Variants in FAM162A observed in about 807,000 individuals in gnomAD.
The protein encoded by FAM162A is protein FAM162A.
In FAM162A, 23 loss-of-function variants were observed where a neutral mutation model predicts 21.8. The observed-to-expected ratio is 1.05, with a 90% confidence interval of 0.76 to 1.49. FAM162A has a LOEUF of 1.49. Among genes scored for constraint, FAM162A ranks in the 40% most tolerant of loss-of-function variants. FAM162A has a pLI of 0.00. For synonymous variants in FAM162A, 53 were observed against 61.3 expected (o/e 0.86, Z 0.64); for missense variants, 165 against 186.4 (o/e 0.89, Z 0.67).
intron 1 of FAM162A, 26 bp downstream of exon 1, chr3:122,384,325 G>C: frequency 6.4e-7 from 1 of 1,567,852 alleles, no homozygotes; most frequent in Non-Finnish European, 8.6e-7. Flanking sequence ...GGATATGGGA[G>C]GTAGGGGAGC....
chr3:122,401,125 TTTTC>T (rs148647975), intron 1 of FAM162A, among the ~76,000 whole-genome samples: 17,055 of 152,138 alleles, frequency 0.11, 1,295 homozygotes, highest in East Asian at 0.24. Context: ...AAAACAGTGA[TTTTC>T]TTTAATATAT....
chr3:122,407,305 G>T lies in FAM162A; in HGVS notation c.288G>T (p.Lys96Asn). ...GGTTGGAGATGCTTGATGCTGCAAAGAACAAGATGCGAGTGAAGATCAGCT... is the reference window on the plus strand; with the variant it reads ...GGTTGGAGATGCTTGATGCTGCAAATAACAAGATGCGAGTGAAGATCAGCT... ...TVSLEMLDAA[K>N]NKMRVKISYL... The change falls in exon 4 of 5, where the codon AAG (lysine) becomes AAT (asparagine). Residue 96 changes from lysine (K) to asparagine (N), a missense_variant. Physicochemically the swap from Lys to Asn is moderately conservative, Grantham distance 94 (BLOSUM62 0). Transcript: ENST00000477892. The T allele has an allele frequency of 6.2e-7, 1 of 1,614,026 alleles. No homozygotes were observed. Among genetic ancestry groups the T allele is most frequent in the East Asian group, 2.2e-5 (1 of 44,872 alleles).
intron 1 of FAM162A, among the ~76,000 whole-genome samples, chr3:122,385,281 C>T (rs1388126352): frequency 6.6e-6 from 1 of 152,054 alleles, no homozygotes. Context: ...ATCTAGTGTT[C>T]CGGTAGAGAA....
At chr3:122,392,115 T>C (rs1313850635) in intron 1 of FAM162A, among the ~76,000 whole-genome samples, 4 of 152,258 alleles carry the variant, frequency 2.6e-5, no homozygotes, top group African/African-American at 9.6e-5. Flanking sequence ...CATTTTTTGC[T>C]TTATTATTTC....
chr3:122,410,016 T>G lies in FAM162A; in HGVS notation c.*185T>G. On this transcript the variant is annotated 3_prime_UTR_variant, in exon 5 of 5. Coordinates refer to ENST00000477892, the MANE Select transcript of FAM162A (RefSeq NM_014367.4). ...CTTAAATAATGACTGTGTTTTATTGTTTTGATCCAAGTCAAGTGTAGCCTC... is the reference window on the plus strand; with the variant it reads ...CTTAAATAATGACTGTGTTTTATTGGTTTGATCCAAGTCAAGTGTAGCCTC... 3.1e-6 allele frequency: 2 copies of G among 645,718 alleles called. No individual in the cohort carries two copies. The highest frequency in any genetic ancestry group is 5.6e-6 in the Non-Finnish European group (2 of 357,512). The allele number at this position is 645,718 out of a possible 1,614,324, so 40.0% of individuals were successfully genotyped here.
intron 1 of FAM162A, among the ~76,000 whole-genome samples, chr3:122,389,381 GGATAGATA>G (rs61431402): frequency 0.32 from 47,041 of 145,036 alleles, 7,732 homozygotes; most frequent in Non-Finnish European, 0.35. Context: ...TAGTATAGAT[GGATAGATA>G]GATAGATAGA....
intron 1 of FAM162A, among the ~76,000 whole-genome samples, chr3:122,392,333 T>C (rs1381333553): frequency 6.6e-6 from 1 of 152,200 alleles, no homozygotes; most frequent in Non-Finnish European, 1.5e-5. Context: ...GATAGCATTG[T>C]GTGAGATGGG....
In FAM162A at chr3:122,409,806, C is replaced by T; in HGVS notation, c.440C>T (p.Ala147Val). Reference sequence around the variant, plus strand: ...AAGAAAGCTCGTCTGAAAGAGGAAGCAGCTATGAAGGCCAAAACAGAGTAG... The same window carrying T: ...AAGAAAGCTCGTCTGAAAGAGGAAGTAGCTATGAAGGCCAAAACAGAGTAG... ...LEKKARLKEEAAMKAKTE is the reference protein window; with the variant it reads ...LEKKARLKEEVAMKAKTE Residue 147 changes from alanine (A) to valine (V), a missense_variant, in exon 5 of 5, where the codon GCA (alanine) becomes GTA (valine). By Grantham distance (64) the Ala-to-Val change is moderately conservative (BLOSUM62 0). Transcript: ENST00000477892. 6.2e-7 allele frequency: 1 copy of T among 1,614,008 alleles called. No individual in the cohort carries two copies. The highest frequency in any genetic ancestry group is 8.5e-7 in the Non-Finnish European group (1 of 1,179,926).
At chr3:122,408,733 C>T (rs1324618045) in intron 4 of FAM162A, among the ~76,000 whole-genome samples, 1 of 152,162 alleles carries the variant, frequency 6.6e-6, no homozygotes, top group South Asian at 2.1e-4. Flanking sequence ...GAGAAATTTG[C>T]ATTGCTTTTG....
intron 1 of FAM162A, among the ~76,000 whole-genome samples, chr3:122,396,962 C>T (rs1233348855): frequency 2.1e-5 from 3 of 145,198 alleles, no homozygotes; most frequent in Non-Finnish European, 4.6e-5. Flanking sequence ...AAGGAGGAAA[C>T]AGGGAATGAC....
intron 1 of FAM162A, among the ~76,000 whole-genome samples, chr3:122,387,136 A>G (rs2075578134): frequency 3.9e-5 from 6 of 152,218 alleles, no homozygotes. Context: ...ATATCTTGGA[A>G]CATGCTGCAA....
At position 122,410,157 on chromosome 3, in the gene FAM162A, G is replaced by A. The variant is rs539249116; in HGVS notation, c.*326G>A. ...TTATCAAAGTAACCTCTCCACAGGC[G>A]AACTCATTTTGAGGAGATAAGGAAG... is the stretch of plus-strand genomic sequence containing the variant. On this transcript the variant is annotated 3_prime_UTR_variant, in exon 5 of 5. Coordinates refer to ENST00000477892, the MANE Select transcript of FAM162A (RefSeq NM_014367.4). 3.9e-4 allele frequency: 143 copies of A among 362,116 alleles called. 1 individual carries two copies. Among genetic ancestry groups the A allele is most frequent in the South Asian group, 2.3e-3 (105 of 45,766 alleles). The allele number at this position is 362,116 out of a possible 1,614,324, so 22.4% of individuals were successfully genotyped here. A position where few individuals can be genotyped will look rare whatever the true frequency, so the allele number is the denominator to read the frequency against.
At chr3:122,401,309 T>G (rs184871186) in intron 1 of FAM162A, 1 of 766,944 alleles carries the variant, frequency 1.3e-6, no homozygotes, top group East Asian at 1.3e-4. Context: ...TTGTGTGCTT[T>G]TGTTAAACAT....
chr3:122,391,334 A>G (rs1177755793), intron 1 of FAM162A, among the ~76,000 whole-genome samples: 1 of 152,244 alleles, frequency 6.6e-6, no homozygotes, highest in Non-Finnish European at 1.5e-5. Context: ...CTGGGACCAC[A>G]GGCACATGCC....
intron 1 of FAM162A, among the ~76,000 whole-genome samples, chr3:122,388,308 G>GA (rs1408395348): frequency 3.3e-5 from 5 of 152,180 alleles, no homozygotes; most frequent in Admixed American, 2.6e-4. Context: ...AAGAAAGTTG[G>GA]AAAAATAATC....
At chr3:122,387,691 A>G (rs1345111862) in intron 1 of FAM162A, among the ~76,000 whole-genome samples, 1 of 152,188 alleles carries the variant, frequency 6.6e-6, no homozygotes, top group Non-Finnish European at 1.5e-5. Context: ...AGGTCTTGCC[A>G]AGTATTTATT....
At chr3:122,400,700 G>T (rs1056506768) in intron 1 of FAM162A, among the ~76,000 whole-genome samples, 2 of 151,928 alleles carry the variant, frequency 1.3e-5, no homozygotes, top group African/African-American at 2.4e-5. Flanking sequence ...GGTGGCAGGC[G>T]CCTGTATTCC....
At chr3:122,398,086 CAT>C (rs68138624) in intron 1 of FAM162A, among the ~76,000 whole-genome samples, 18,235 of 152,178 alleles carry the variant, frequency 0.12, 1,324 homozygotes, top group East Asian at 0.32. Context: ...GAGCACATCA[CAT>C]GTGTAAAAAT....
At chr3:122,384,600 G>A (rs2075565339) in intron 1 of FAM162A, among the ~76,000 whole-genome samples, 1 of 151,868 alleles carries the variant, frequency 6.6e-6, no homozygotes, top group Non-Finnish European at 1.5e-5. Context: ...AGCTCAGTCT[G>A]TAAAGCACCT....
Sources: allele counts gnomAD v4.1 joint callset (sites outside exome capture counted in the v4.1 genomes callset), GRCh38; gene constraint gnomAD v4.1.1; transcripts MANE v1.5; gene names NCBI Gene and HGNC (gene_info 2026-07-23, HGNC 2026-07-21).